The following CAMK4 variants were observed in gnomAD, a reference collection of about 807,000 sequenced individuals.
CAMK4 encodes calcium/calmodulin-dependent protein kinase type IV.
Under a neutral mutation model 44.9 loss-of-function variants are expected in CAMK4, and 22 were observed. That is an observed-to-expected ratio of 0.49 (90% CI 0.35 to 0.70). CAMK4 has a LOEUF of 0.70. CAMK4 is among the 30% of genes least tolerant of loss of function. The pLI is 0.01. For synonymous variants in CAMK4, 218 were observed against 215.4 expected (o/e 1.01, Z -0.11); for missense variants, 498 against 586.8 (o/e 0.85, Z 1.56).
intron 2 of CAMK4, among the ~76,000 whole-genome samples, chr5:111,352,692 G>A (rs942280752): frequency 6.7e-6 from 1 of 149,748 alleles, no homozygotes; most frequent in Non-Finnish European, 1.5e-5. Flanking sequence ...GGGGAGAGGG[G>A]GAAAGAGAGA....
intron 5 of CAMK4, among the ~76,000 whole-genome samples, chr5:111,435,691 T>C (rs926508329): frequency 3.3e-5 from 5 of 152,220 alleles, no homozygotes; most frequent in Admixed American, 3.3e-4. Flanking sequence ...GCTGCTTCTT[T>C]CTCCTTAATT....
At chr5:111,393,755 A>C (rs968708108) in intron 4 of CAMK4, among the ~76,000 whole-genome samples, 9 of 152,160 alleles carry the variant, frequency 5.9e-5, no homozygotes, top group Non-Finnish European at 2.9e-5. Flanking sequence ...ATCAGGAAAA[A>C]TAACTTATGG....
intron 5 of CAMK4, among the ~76,000 whole-genome samples, chr5:111,435,851 TA>T (rs1397803894): frequency 3.9e-5 from 6 of 152,342 alleles, no homozygotes; most frequent in African/African-American, 1.2e-4. Flanking sequence ...GAGAATGTCA[TA>T]ATCATGTTTA....
intron 2 of CAMK4, among the ~76,000 whole-genome samples, chr5:111,352,646 A>AGAGAGAGG (rs1345677899): frequency 7.1e-6 from 1 of 141,350 alleles, no homozygotes; most frequent in Non-Finnish European, 1.5e-5. Flanking sequence ...GCAGAGAGAG[A>AGAGAGAGG]GAGAGAGAGA....
chr5:111,296,176 T>A (rs759301682), intron 1 of CAMK4, among the ~76,000 whole-genome samples: 2 of 152,200 alleles, frequency 1.3e-5, no homozygotes, highest in Non-Finnish European at 2.9e-5. Flanking sequence ...ATGGCAAATA[T>A]CAGTGTATGC....
chr5:111,313,031 A>C (rs1385014070), intron 1 of CAMK4, among the ~76,000 whole-genome samples: 1 of 152,142 alleles, frequency 6.6e-6, no homozygotes, highest in Admixed American at 6.6e-5. Context: ...TGCCCCTTCT[A>C]TTCTGGGTAC....
chr5:111,289,679 C>G (rs1468316359), intron 1 of CAMK4, among the ~76,000 whole-genome samples: 1 of 152,114 alleles, frequency 6.6e-6, no homozygotes. Flanking sequence ...CTGGGTAGTT[C>G]CACATCTTTA....
intron 7 of CAMK4, among the ~76,000 whole-genome samples, chr5:111,464,584 T>A (rs1221183760): frequency 6.6e-6 from 1 of 152,164 alleles, no homozygotes; most frequent in African/African-American, 2.4e-5. Flanking sequence ...GAGCCATGTA[T>A]TCTATGGAAG....
chr5:111,460,639 G>T (rs1329465631), intron 7 of CAMK4, among the ~76,000 whole-genome samples: 2 of 152,044 alleles, frequency 1.3e-5, no homozygotes, highest in Non-Finnish European at 2.9e-5. Context: ...GATGAGATAG[G>T]TTTATTTATT....
At chr5:111,443,610 GT>G (rs1753925062) in intron 5 of CAMK4, among the ~76,000 whole-genome samples, 1 of 151,316 alleles carries the variant, frequency 6.6e-6, no homozygotes, top group South Asian at 2.1e-4. Flanking sequence ...CTTTTTTGTT[GT>G]TTTTGTTGCT....
intron 5 of CAMK4, among the ~76,000 whole-genome samples, chr5:111,416,900 C>T (rs1485365134): frequency 1.3e-5 from 2 of 152,116 alleles, no homozygotes; most frequent in East Asian, 3.8e-4. Flanking sequence ...ATTTTGACAT[C>T]TTCCATATGT....
intron 7 of CAMK4, among the ~76,000 whole-genome samples, chr5:111,457,974 A>G (rs1024116292): frequency 7.9e-5 from 12 of 152,216 alleles, no homozygotes; most frequent in African/African-American, 2.9e-4. Flanking sequence ...GTAACTTTCT[A>G]CTTGACCGGC....
At chr5:111,434,021 G>T (rs1052974368) in intron 5 of CAMK4, among the ~76,000 whole-genome samples, 1 of 152,166 alleles carries the variant, frequency 6.6e-6, no homozygotes, top group Non-Finnish European at 1.5e-5. Flanking sequence ...TGCTGGCCTT[G>T]CGCGGTGGCT....
intron 8 of CAMK4, among the ~76,000 whole-genome samples, chr5:111,476,672 C>T (rs930420441): frequency 2.0e-5 from 3 of 152,072 alleles, no homozygotes; most frequent in African/African-American, 7.2e-5. Flanking sequence ...AAATGAAGGC[C>T]ATTCTATTTT....
chr5:111,442,796 A>G (rs931748816), intron 5 of CAMK4, among the ~76,000 whole-genome samples: 4 of 148,462 alleles, frequency 2.7e-5, no homozygotes, highest in African/African-American at 9.8e-5. Flanking sequence ...TTAACATAAT[A>G]TTAATATATT....
intron 1 of CAMK4, among the ~76,000 whole-genome samples, chr5:111,230,481 C>T (rs966593772): frequency 2.6e-5 from 4 of 151,668 alleles, no homozygotes; most frequent in African/African-American, 4.9e-5. Context: ...GTGAAGGCTA[C>T]GATAACATCA....
chr5:111,246,458 A>C (rs1043115512), intron 1 of CAMK4, among the ~76,000 whole-genome samples: 1 of 152,336 alleles, frequency 6.6e-6, no homozygotes, highest in African/African-American at 2.4e-5. Context: ...TTATTGGCTC[A>C]AGTCACTAAA....
chr5:111,412,819 C>G (rs765207), intron 5 of CAMK4, among the ~76,000 whole-genome samples: 2 of 152,158 alleles, frequency 1.3e-5, no homozygotes, highest in Non-Finnish European at 2.9e-5. Context: ...GTTACCACCT[C>G]TTGCCATGAT....
At chr5:111,274,354 C>T (rs1750667390) in intron 1 of CAMK4, among the ~76,000 whole-genome samples, 1 of 152,124 alleles carries the variant, frequency 6.6e-6, no homozygotes, top group African/African-American at 2.4e-5. Flanking sequence ...TCTTCCTCCC[C>T]TAGAATGAAA....
Sources: gnomAD v4.1 joint callset for allele counts (sites outside exome capture counted in the v4.1 genomes callset) on GRCh38, gnomAD v4.1.1 for gene constraint, MANE v1.5 for transcripts, NCBI Gene and HGNC (gene_info 2026-07-23, HGNC 2026-07-21) for gene names.